RPA3: variants seen among roughly 807,000 people sequenced by gnomAD.
RPA3 encodes the protein replication protein A 14 kDa subunit.
A neutral mutation model predicts 13.7 loss-of-function variants in RPA3; 24 were observed. The ratio of observed to expected loss-of-function variants is 1.75; its 90% CI spans 1.27 to 2.46. The LOEUF (loss-of-function observed/expected upper bound fraction) is 2.46. Ranked by LOEUF, RPA3 falls within the 30% of genes most tolerant of loss-of-function variation. The pLI is 0.00. For synonymous variants in RPA3, 59 were observed against 51.2 expected (o/e 1.15, Z -0.65); for missense variants, 183 against 151.0 (o/e 1.21, Z -1.11).
At chr7:7,699,054 G>A (rs996925758) in intron 2 of RPA3, among the ~76,000 whole-genome samples, 12 of 150,686 alleles carry the variant, frequency 8.0e-5, no homozygotes, top group African/African-American at 2.2e-4. Flanking sequence ...GTGTGTGGGG[G>A]GGGGGTAGAT....
intron 4 of RPA3, among the ~76,000 whole-genome samples, chr7:7,679,731 T>TATATATATATAC (rs1554313986): frequency 7.4e-6 from 1 of 135,930 alleles, no homozygotes; most frequent in African/African-American, 2.8e-5. Context: ...TATATATATA[T>TATATATATATAC]ACACACACAC....
At chr7:7,667,088 C>T (rs1179784115) in intron 4 of RPA3, among the ~76,000 whole-genome samples, 1 of 152,202 alleles carries the variant, frequency 6.6e-6, no homozygotes, top group Non-Finnish European at 1.5e-5. Context: ...GGATTACAGG[C>T]GTCAGCCACT....
At chr7:7,646,572 A>G (rs1284304364) in intron 4 of RPA3, among the ~76,000 whole-genome samples, 1 of 143,504 alleles carries the variant, frequency 7.0e-6, no homozygotes, top group Non-Finnish European at 1.5e-5. Flanking sequence ...AGGTCTCCCC[A>G]GCCACGTGGA....
In RPA3 at chr7:7,683,630, TC is replaced by T. The variant is rs201808655; in HGVS notation, c.-758+2199del. 2.1e-3 allele frequency among the ~76,000 whole-genome samples: 312 copies of T among 149,390 alleles called. 1 individual carries two copies. Among genetic ancestry groups the T allele is most frequent in the Middle Eastern group, 3.5e-3 (1 of 288 alleles). On this transcript the variant is annotated intron_variant, in intron 4 of 7. Coordinates refer to ENST00000223129, the MANE Select transcript of RPA3 (RefSeq NM_002947.5). ...AATGAAATTTGTTTTCTTTTCCTTTTCTTTTTTTTAGACGGAGTTTTTGCTC... is the reference window on the plus strand; with the variant it reads ...AATGAAATTTGTTTTCTTTTCCTTTTTTTTTTTTAGACGGAGTTTTTGCTC...
chr7:7,651,421 C>T (rs1785221176), intron 4 of RPA3, among the ~76,000 whole-genome samples: 1 of 152,126 alleles, frequency 6.6e-6, no homozygotes, highest in Admixed American at 6.5e-5. Flanking sequence ...AATGCCTGTT[C>T]CCATTTAGGG....
At chr7:7,691,346 ATTATT>A (rs1446154417) in intron 2 of RPA3, among the ~76,000 whole-genome samples, 5 of 152,232 alleles carry the variant, frequency 3.3e-5, no homozygotes, top group Non-Finnish European at 7.3e-5. Flanking sequence ...AGTCGTCATC[ATTATT>A]TTATATTCAA....
intron 4 of RPA3, among the ~76,000 whole-genome samples, chr7:7,678,132 T>G (rs2115116170): frequency 2.6e-5 from 1 of 37,840 alleles, no homozygotes; most frequent in African/African-American, 1.8e-4. Context: ...CATATAGTAG[T>G]TCTGTTTTTA....
At chr7:7,658,984 C>G (rs981478222) in intron 4 of RPA3, among the ~76,000 whole-genome samples, 4 of 152,104 alleles carry the variant, frequency 2.6e-5, no homozygotes, top group Non-Finnish European at 5.9e-5. Context: ...AATTTCAGAA[C>G]TTGTTATTGG....
Position 7,640,528 on chromosome 7 carries a change from G to A in RPA3, c.-110C>T, listed in dbSNP as rs1784942982. The stretch of plus-strand genomic sequence containing the variant: ...TCGGCACCAATCAGCGAAGACTAGC[G>A]CTCCAGCTTCGCCAATTAAATGCGC... On this transcript the variant is annotated 5_prime_UTR_variant, in exon 5 of 8. Transcript: ENST00000223129. 1 of 978,808 alleles carries A rather than the reference G, an allele frequency of 1.0e-6. No individual in the cohort carries two copies. The highest frequency in any genetic ancestry group is 1.6e-6 in the Non-Finnish European group (1 of 633,840). The allele number at this position is 978,808 out of a possible 1,614,324, so 60.6% of individuals were successfully genotyped here.
chr7:7,685,626 G>A (rs1302976161), intron 4 of RPA3, among the ~76,000 whole-genome samples: 1 of 152,124 alleles, frequency 6.6e-6, no homozygotes, highest in African/African-American at 2.4e-5. Context: ...CTTTATAAAT[G>A]TGAATTTCTA....
At chr7:7,681,448 T>G (rs962715838) in intron 4 of RPA3, among the ~76,000 whole-genome samples, 2 of 152,146 alleles carry the variant, frequency 1.3e-5, no homozygotes, top group African/African-American at 4.8e-5. Flanking sequence ...ACAGAAAACC[T>G]TTCTCCGCAT....
At chr7:7,672,279 C>T (rs990235583) in intron 4 of RPA3, among the ~76,000 whole-genome samples, 4 of 152,148 alleles carry the variant, frequency 2.6e-5, no homozygotes, top group Non-Finnish European at 5.9e-5. Flanking sequence ...AACTTTCTCC[C>T]CAGTTGTTTT....
chr7:7,673,286 A>G (rs1779651714), intron 4 of RPA3: 1 of 1,147,904 alleles, frequency 8.7e-7, no homozygotes, highest in Non-Finnish European at 1.3e-6. Context: ...TGAATTTGAC[A>G]TTGTGTAATG....
chr7:7,652,619 A>G (rs1785249199), intron 4 of RPA3, among the ~76,000 whole-genome samples: 1 of 152,218 alleles, frequency 6.6e-6, no homozygotes, highest in Non-Finnish European at 1.5e-5. Context: ...AGAGGCAGGA[A>G]GTAGATTGGT....
rs539912147 is a variant in RPA3, at chr7:7,640,041, G to C, written c.99+279C>G. 4 of 453,704 alleles carry C rather than the reference G, an allele frequency of 8.8e-6. No individual in the cohort carries two copies. In the South Asian group the frequency reaches 1.0e-4, roughly 11 times the overall value. 28.1% of individuals were successfully genotyped at this position (453,704 alleles called of 1,614,324 possible). ...AAATCTGAAGGTAGATGTGGGAGTG[G>C]TGTTTATAATTTCCCTTACGTAAGC... On this transcript the variant is annotated intron_variant, in intron 5 of 7. Transcript: ENST00000223129.
intron 4 of RPA3, among the ~76,000 whole-genome samples, chr7:7,651,254 A>G (rs1460212411): frequency 2.0e-5 from 3 of 152,238 alleles, no homozygotes; most frequent in Admixed American, 2.0e-4. Flanking sequence ...AGTATATGTT[A>G]GTACTAGAGC....
chr7:7,692,710 A>G (rs559589459), intron 2 of RPA3, among the ~76,000 whole-genome samples: 1 of 152,244 alleles, frequency 6.6e-6, no homozygotes, highest in Admixed American at 6.5e-5. Flanking sequence ...CCTGGGTTCA[A>G]GTGATTCTCC....
intron 2 of RPA3, among the ~76,000 whole-genome samples, chr7:7,699,132 G>C (rs1298674667): frequency 1.3e-5 from 2 of 151,934 alleles, no homozygotes; most frequent in African/African-American, 2.4e-5. Context: ...AGCATTATAG[G>C]TGTGAGCCAC....
At chr7:7,648,041 T>C (rs1195748803) in intron 4 of RPA3, among the ~76,000 whole-genome samples, 1 of 152,224 alleles carries the variant, frequency 6.6e-6, no homozygotes, top group Non-Finnish European at 1.5e-5. Flanking sequence ...GCTTGAATGC[T>C]CATTTTCTCA....
Sources: allele counts gnomAD v4.1 joint callset (sites outside exome capture counted in the v4.1 genomes callset), GRCh38; gene constraint gnomAD v4.1.1; transcripts MANE v1.5; gene names NCBI Gene and HGNC (gene_info 2026-07-23, HGNC 2026-07-21).